The following MOGAT1 variants were observed in gnomAD, a reference collection of about 807,000 sequenced individuals.
The protein encoded by MOGAT1 is monoacylglycerol O-acyltransferase 1.
A neutral mutation model predicts 31.4 loss-of-function variants in MOGAT1; 32 were observed. The ratio of observed to expected loss-of-function variants is 1.02; its 90% CI spans 0.77 to 1.37. MOGAT1 has a LOEUF of 1.37. MOGAT1 is among the 40% of genes most tolerant of loss of function. The pLI, the probability that MOGAT1 is intolerant of heterozygous loss-of-function variation, is 0.00. For synonymous variants in MOGAT1, 145 were observed against 144.5 expected (o/e 1.00, Z -0.03); for missense variants, 426 against 402.0 (o/e 1.06, Z -0.51).
chr2:222,701,382 GAGAAAGAA>G (rs1182103729), intron 5 of MOGAT1, among the ~76,000 whole-genome samples: 2 of 140,374 alleles, frequency 1.4e-5, no homozygotes, highest in East Asian at 2.0e-4. Context: ...AGGAAGGAAA[GAGAAAGAA>G]AGAAAGAAAG....
intron 1 of MOGAT1, among the ~76,000 whole-genome samples, chr2:222,684,652 C>T (rs962006065): frequency 6.6e-6 from 1 of 152,064 alleles, no homozygotes; most frequent in Non-Finnish European, 1.5e-5. Flanking sequence ...TCTCGGCTCA[C>T]TGCAACCTCC....
intron 1 of MOGAT1, among the ~76,000 whole-genome samples, chr2:222,683,258 T>G (rs960995170): frequency 2.0e-5 from 3 of 150,768 alleles, no homozygotes; most frequent in African/African-American, 7.3e-5. Context: ...GTGGTGGAGC[T>G]GAGGGAGGAA....
chr2:222,691,507 C>A (rs1356158583), intron 3 of MOGAT1, among the ~76,000 whole-genome samples: 1 of 152,242 alleles, frequency 6.6e-6, no homozygotes, highest in Non-Finnish European at 1.5e-5. Flanking sequence ...CTGCGCCCAG[C>A]AATCACTGGT....
intron 1 of MOGAT1, among the ~76,000 whole-genome samples, chr2:222,685,203 C>T (rs1692645797): frequency 6.6e-6 from 1 of 152,152 alleles, no homozygotes; most frequent in Non-Finnish European, 1.5e-5. Context: ...AGGAACTTGC[C>T]TCATGTCCCA....
chr2:222,686,291 T>C (rs1404372240), intron 1 of MOGAT1, among the ~76,000 whole-genome samples: 1 of 152,188 alleles, frequency 6.6e-6, no homozygotes, highest in Non-Finnish European at 1.5e-5. Context: ...AGCCTCAGTT[T>C]CTACAACTGT....
chr2:222,680,759 T>C (rs1371041901), intron 1 of MOGAT1, among the ~76,000 whole-genome samples: 17 of 152,274 alleles, frequency 1.1e-4, no homozygotes, highest in African/African-American at 3.1e-4. Context: ...ATGGAAACAG[T>C]TTTCATGCAG....
At chr2:222,695,333 T>G (rs1692824299) in intron 5 of MOGAT1, 45 bp downstream of exon 5, 2 of 1,340,060 alleles carry the variant, frequency 1.5e-6, no homozygotes, top group Admixed American at 2.4e-5. Flanking sequence ...CTTTAAGCAA[T>G]GTTTCTTGTT....
intron 1 of MOGAT1, among the ~76,000 whole-genome samples, chr2:222,686,974 C>T (rs769299445): frequency 9.9e-5 from 15 of 151,406 alleles, no homozygotes; most frequent in African/African-American, 2.2e-4. Flanking sequence ...ATTAGCTGGG[C>T]GTGGTGGTGC....
chr2:222,709,714 T>A (rs1296021455), intron 5 of MOGAT1, 22 bp from the exon 6 acceptor site: 2 of 1,610,556 alleles, frequency 1.2e-6, no homozygotes, highest in South Asian at 2.2e-5. Context: ...TCCTCACGTA[T>A]GATGTATTCC....
At chr2:222,676,368 C>G (rs1052998514) in intron 1 of MOGAT1, among the ~76,000 whole-genome samples, 5 of 152,130 alleles carry the variant, frequency 3.3e-5, no homozygotes, top group African/African-American at 4.8e-5. Context: ...CATATATACT[C>G]TCTTTTTGTC....
At chr2:222,688,649 A>T (rs1270792618) in intron 2 of MOGAT1, 127 bp downstream of exon 2, 1 of 674,642 alleles carries the variant, frequency 1.5e-6, no homozygotes, top group Non-Finnish European at 2.4e-6. Context: ...CTGCTGTAAC[A>T]GAATACCAAA....
chr2:222,672,997 T>G (rs1692444164), intron 1 of MOGAT1, among the ~76,000 whole-genome samples: 2 of 151,524 alleles, frequency 1.3e-5, no homozygotes, highest in Non-Finnish European at 1.5e-5. Context: ...CACCACAACC[T>G]CCGCCTCCCG....
intron 1 of MOGAT1, chr2:222,678,163 A>T (rs10498141): frequency 0.12 from 19,056 of 158,092 alleles, 1,226 homozygotes; most frequent in Non-Finnish European, 0.14. Context: ...ATTGGGTCAT[A>T]ACCCATTAGA....
intron 3 of MOGAT1, 136 bp downstream of exon 3, chr2:222,689,605 G>A: frequency 1.3e-6 from 1 of 752,080 alleles, no homozygotes; most frequent in South Asian, 1.8e-5. Flanking sequence ...ACTTCCTATG[G>A]TGTCTGGGTG....
At chr2:222,673,819 T>G (rs6436328) in intron 1 of MOGAT1, among the ~76,000 whole-genome samples, 16,624 of 152,280 alleles carry the variant, frequency 0.11, 987 homozygotes, top group Non-Finnish European at 0.12. Context: ...TCTCTATGGC[T>G]GTCTTAGTCT....
chr2:222,688,348 G>C lies in MOGAT1; in HGVS notation c.99G>C (p.Pro33=), dbSNP rs777039020. The change falls in exon 2 of 6, where the codon CCG becomes CCC. Residue 33 remains proline (P), a synonymous_variant. Coordinates refer to ENST00000446656, the MANE Select transcript of MOGAT1 (RefSeq NM_058165.3). ...QWVLKYLLLG[P]MSIGITVMLI... ...AGACTTTTTCTTTTCTTACAGGGCC[G>C]ATGTCCATTGGAATCACTGTGATGC... is the stretch of plus-strand genomic sequence containing the variant. 1 of 1,606,392 alleles carries C rather than the reference G, an allele frequency of 6.2e-7. No individual in the cohort carries two copies. Among genetic ancestry groups the C allele is most frequent in the Non-Finnish European group, 8.5e-7 (1 of 1,176,624 alleles).
At chr2:222,688,608 T>C (rs1263366032) in intron 2 of MOGAT1, 86 bp downstream of exon 2, 2 of 927,430 alleles carry the variant, frequency 2.2e-6, no homozygotes, top group African/African-American at 3.4e-5. Flanking sequence ...CAAGCTTCTT[T>C]TTCAGAGGGG....
chr2:222,678,024 C>A, intron 1 of MOGAT1: 1 of 249,336 alleles, frequency 4.0e-6, no homozygotes, highest in Non-Finnish European at 8.2e-6. Context: ...AACAGGAAGC[C>A]CTCACCAGTT....
intron 5 of MOGAT1, among the ~76,000 whole-genome samples, chr2:222,696,475 G>A (rs868186570): frequency 6.6e-6 from 1 of 152,112 alleles, no homozygotes; most frequent in East Asian, 1.9e-4. Flanking sequence ...GAGTAAGGTG[G>A]TATCGCATTA....
Sources: allele counts gnomAD v4.1 joint callset (sites outside exome capture counted in the v4.1 genomes callset), GRCh38; gene constraint gnomAD v4.1.1; transcripts MANE v1.5; gene names NCBI Gene and HGNC (gene_info 2026-07-23, HGNC 2026-07-21).